SEMA3E: variants seen among roughly 807,000 people sequenced by gnomAD.
SEMA3E encodes semaphorin 3E.
A neutral mutation model predicts 93.6 loss-of-function variants in SEMA3E; 49 were observed. The observed-to-expected ratio is 0.52, with a 90% CI of 0.42 to 0.66. SEMA3E has a LOEUF of 0.66. Among genes scored for constraint, SEMA3E ranks in the 30% least tolerant of loss-of-function variants. The probability of loss-of-function intolerance (pLI) is 0.00; values close to 1 mark genes in which losing one functional copy is unlikely to be tolerated. For missense variants in SEMA3E, 906 were observed against 964.8 expected (o/e 0.94, Z 0.81); for synonymous variants, 363 against 330.7 (o/e 1.10, Z -1.06).
At chr7:83,597,267 C>T (rs1188296972) in intron 1 of SEMA3E, among the ~76,000 whole-genome samples, 3 of 152,058 alleles carry the variant, frequency 2.0e-5, no homozygotes, top group African/African-American at 7.2e-5. Flanking sequence ...GATTTAAGTC[C>T]CACCAAATTC....
At chr7:83,491,051 G>T (rs541412469) in intron 1 of SEMA3E, among the ~76,000 whole-genome samples, 1 of 152,182 alleles carries the variant, frequency 6.6e-6, no homozygotes, top group East Asian at 1.9e-4. Flanking sequence ...GGATGCTAAA[G>T]AATTCCTGAA....
chr7:83,615,752 A>T (rs1793352156), intron 1 of SEMA3E, among the ~76,000 whole-genome samples: 1 of 152,118 alleles, frequency 6.6e-6, no homozygotes, highest in South Asian at 2.1e-4. Flanking sequence ...AGTGAAACAC[A>T]CAAGACTAGA....
chr7:83,635,701 C>A (rs1020994314), intron 1 of SEMA3E, among the ~76,000 whole-genome samples: 14 of 151,860 alleles, frequency 9.2e-5, no homozygotes, highest in African/African-American at 3.4e-4. Context: ...TTCATAAGTT[C>A]TTTCTCAAAT....
At chr7:83,646,779 T>G (rs1045109165) in intron 1 of SEMA3E, among the ~76,000 whole-genome samples, 3 of 152,002 alleles carry the variant, frequency 2.0e-5, no homozygotes, top group Non-Finnish European at 2.9e-5. Flanking sequence ...TTGATCAAAT[T>G]ATTAACTCTC....
intron 1 of SEMA3E, among the ~76,000 whole-genome samples, chr7:83,556,088 T>C (rs1231189890): frequency 6.6e-6 from 1 of 152,216 alleles, no homozygotes. Context: ...AACATTTATA[T>C]GTTTACATTA....
At chr7:83,459,466 C>T (rs905557552) in intron 4 of SEMA3E, among the ~76,000 whole-genome samples, 13 of 152,172 alleles carry the variant, frequency 8.5e-5, no homozygotes, top group African/African-American at 2.2e-4. Context: ...TACATACACA[C>T]GTATATACAT....
chr7:83,391,217 G>T (rs576389944), intron 14 of SEMA3E, among the ~76,000 whole-genome samples: 3 of 152,170 alleles, frequency 2.0e-5, no homozygotes, highest in Non-Finnish European at 2.9e-5. Flanking sequence ...TCAAAAGTGA[G>T]ATTATTTTGA....
Position 83,430,519 on chromosome 7 carries a change from T to C in SEMA3E, c.457-12036A>G, listed in dbSNP as rs574061757. ...AGCCATAAAAAATAATGAGTTCATGTCATTTGCAGGGACATGTATGAAGCT... is the reference window on the plus strand; with the variant it reads ...AGCCATAAAAAATAATGAGTTCATGCCATTTGCAGGGACATGTATGAAGCT... On this transcript the variant is annotated intron_variant, in intron 4 of 16. Coordinates refer to ENST00000643230, the MANE Select transcript of SEMA3E (RefSeq NM_012431.3). Among the ~76,000 whole-genome samples the C allele has an allele frequency of 2.0e-5, 3 of 152,054 alleles. No individual in the cohort carries two copies. In the East Asian group the frequency reaches 5.8e-4, roughly 29 times the overall value.
At chr7:83,619,962 C>T (rs936455638) in intron 1 of SEMA3E, among the ~76,000 whole-genome samples, 1 of 149,234 alleles carries the variant, frequency 6.7e-6, no homozygotes, top group South Asian at 2.1e-4. Context: ...CATGTTTGCT[C>T]TTTTATTAAA....
chr7:83,536,311 G>A (rs888602218), intron 1 of SEMA3E, among the ~76,000 whole-genome samples: 2 of 151,944 alleles, frequency 1.3e-5, no homozygotes, highest in African/African-American at 4.8e-5. Context: ...AGTTGGCCAG[G>A]AGAATGTCTT....
intron 1 of SEMA3E, among the ~76,000 whole-genome samples, chr7:83,493,321 A>G (rs1790421181): frequency 6.6e-6 from 1 of 151,898 alleles, no homozygotes; most frequent in Admixed American, 6.6e-5. Flanking sequence ...TTCATTTACA[A>G]CTTTTGCTCT....
chr7:83,596,845 A>C (rs115055580), intron 1 of SEMA3E, among the ~76,000 whole-genome samples: 16 of 152,268 alleles, frequency 1.1e-4, no homozygotes, highest in African/African-American at 3.8e-4. Flanking sequence ...TGTCATAGGC[A>C]CAGAAAAGTA....
Position 83,400,032 on chromosome 7 carries a change from C to G in SEMA3E, c.1362G>C (p.Gly454=), listed in dbSNP as rs1054520561. ...EDGQYDVLFI[G]TDNGIVLKVI... is the part of the protein sequence containing the mutation. ...AGTACTTTCTCGTCTCTTTACCTGT[C>G]CCAATAAACAAGACGTCATATTGGC... is the stretch of plus-strand genomic sequence containing the variant. Residue 454 remains glycine (G), a synonymous_variant, in exon 11 of 17, where the codon GGG becomes GGC. Transcript: ENST00000643230. 4.4e-6 allele frequency: 7 copies of G among 1,606,168 alleles called. No homozygotes were observed. The highest frequency in any genetic ancestry group is 5.1e-6 in the Non-Finnish European group (6 of 1,172,768).
chr7:83,618,603 C>T (rs1793476152), intron 1 of SEMA3E, among the ~76,000 whole-genome samples: 1 of 151,770 alleles, frequency 6.6e-6, no homozygotes, highest in Non-Finnish European at 1.5e-5. Context: ...GTAAAATTTA[C>T]CTCAATGACT....
At chr7:83,478,813 T>C (rs1048237768) in intron 2 of SEMA3E, among the ~76,000 whole-genome samples, 2 of 152,188 alleles carry the variant, frequency 1.3e-5, no homozygotes, top group African/African-American at 4.8e-5. Context: ...AAGACCAATA[T>C]GGGAGACAGG....
chr7:83,439,812 T>C (rs1789075888), intron 4 of SEMA3E, among the ~76,000 whole-genome samples: 1 of 152,216 alleles, frequency 6.6e-6, no homozygotes, highest in African/African-American at 2.4e-5. Flanking sequence ...GTATTTTCTT[T>C]TCTTGCATGA....
chr7:83,380,904 T>C (rs1193989545), intron 16 of SEMA3E, among the ~76,000 whole-genome samples: 1 of 151,962 alleles, frequency 6.6e-6, no homozygotes, highest in African/African-American at 2.4e-5. Context: ...TTCACATTTC[T>C]TAATAGTGAA....
intron 1 of SEMA3E, among the ~76,000 whole-genome samples, chr7:83,537,586 C>T (rs73184545): frequency 0.18 from 26,957 of 152,152 alleles, 2,947 homozygotes; most frequent in Middle Eastern, 0.36. Context: ...AATTCTGCCC[C>T]AGAAGCAACA....
rs1481862537 is a variant in SEMA3E, at chr7:83,365,144, T to C, written c.*2442A>G. The C allele has an allele frequency of 6.7e-6, 1 of 150,040 alleles. No individual in the cohort carries two copies. 9.3% of individuals were successfully genotyped at this position (150,040 alleles called of 1,614,324 possible). A position where few individuals can be genotyped will look rare whatever the true frequency, so the allele number is the denominator to read the frequency against. The stretch of plus-strand genomic sequence containing the variant: ...GATTTATTTTATAGTATGTGAGGGG[T>C]GTGTGTGTGTGTGTGTTGGGAGAGA... On this transcript the variant is annotated 3_prime_UTR_variant, in exon 17 of 17. Transcript: ENST00000643230.
Sources: gnomAD v4.1 joint callset for allele counts (sites outside exome capture counted in the v4.1 genomes callset) on GRCh38, gnomAD v4.1.1 for gene constraint, MANE v1.5 for transcripts, NCBI Gene and HGNC (gene_info 2026-07-23, HGNC 2026-07-21) for gene names.